The following TSPAN11 variants were observed in gnomAD, a reference collection of about 807,000 sequenced individuals.
TSPAN11 encodes the protein tetraspanin-11.
In TSPAN11, 29 loss-of-function variants were observed where a neutral mutation model predicts 32.9. The ratio of observed to expected loss-of-function variants is 0.88; its 90% CI spans 0.66 to 1.20. TSPAN11 has a LOEUF of 1.20. TSPAN11 is among the 50% of genes most tolerant of loss of function. The pLI is 0.00. For missense variants in TSPAN11, 283 were observed against 329.1 expected, an observed-to-expected ratio of 0.86 and a Z score of 1.08; for synonymous variants, 140 against 141.3, an observed-to-expected ratio of 0.99 and a Z score of 0.07.
intron 1 of TSPAN11, among the ~76,000 whole-genome samples, chr12:30,952,251 T>C (rs1367104599): frequency 6.6e-6 from 1 of 152,156 alleles, no homozygotes; most frequent in African/African-American, 2.4e-5. Flanking sequence ...CCACAAACTC[T>C]GCCACTTGCT....
chr12:30,961,123 C>A (rs1938605008), intron 2 of TSPAN11, among the ~76,000 whole-genome samples: 1 of 151,812 alleles, frequency 6.6e-6, no homozygotes, highest in Admixed American at 6.5e-5. Context: ...AACTGTATGC[C>A]AATGGTTGTT....
chr12:30,978,482 AC>A, intron 3 of TSPAN11, 78 bp from the exon 4 acceptor site: 1 of 1,389,236 alleles, frequency 7.2e-7, no homozygotes, highest in Non-Finnish European at 1.0e-6. Flanking sequence ...TATCTCTACC[AC>A]CCCCACCACT....
chr12:30,956,428 C>A (rs1938478737), intron 2 of TSPAN11, among the ~76,000 whole-genome samples: 1 of 152,160 alleles, frequency 6.6e-6, no homozygotes, highest in Non-Finnish European at 1.5e-5. Flanking sequence ...TATATCACAA[C>A]CCTAATGGGT....
At chr12:30,981,584 C>A (rs1939093754) in intron 5 of TSPAN11, among the ~76,000 whole-genome samples, 1 of 131,778 alleles carries the variant, frequency 7.6e-6, no homozygotes, top group Non-Finnish European at 1.8e-5. Flanking sequence ...TCATGCTCTC[C>A]TCGACTCCGG....
intron 1 of TSPAN11, among the ~76,000 whole-genome samples, chr12:30,937,685 C>A (rs977656169): frequency 1.3e-5 from 2 of 152,164 alleles, no homozygotes; most frequent in Non-Finnish European, 2.9e-5. Context: ...TGCGTGGTCT[C>A]AAAGTGTGGT....
intron 7 of TSPAN11, among the ~76,000 whole-genome samples, chr12:30,984,782 T>A (rs959605887): frequency 3.3e-5 from 5 of 152,056 alleles, no homozygotes; most frequent in African/African-American, 4.8e-5. Context: ...GGTCTCGAAC[T>A]CTTGACCTCA....
intron 3 of TSPAN11, among the ~76,000 whole-genome samples, chr12:30,971,897 T>C (rs1487793293): frequency 6.6e-6 from 1 of 152,192 alleles, no homozygotes; most frequent in Non-Finnish European, 1.5e-5. Context: ...CTAGCTTCAC[T>C]TTGGATCTAT....
intron 7 of TSPAN11, among the ~76,000 whole-genome samples, chr12:30,986,370 A>G (rs1347135135): frequency 6.6e-6 from 1 of 152,076 alleles, no homozygotes; most frequent in Non-Finnish European, 1.5e-5. Flanking sequence ...GACAGATTGG[A>G]TATTTGTGAG....
At chr12:30,949,362 G>T (rs780527106) in intron 1 of TSPAN11, among the ~76,000 whole-genome samples, 6 of 152,098 alleles carry the variant, frequency 3.9e-5, no homozygotes, top group Admixed American at 6.5e-5. Flanking sequence ...CCCGAGACTG[G>T]GAGGAAAAAG....
chr12:30,934,622 A>C (rs1430618513), intron 1 of TSPAN11, among the ~76,000 whole-genome samples: 2 of 150,178 alleles, frequency 1.3e-5, no homozygotes, highest in Non-Finnish European at 3.0e-5. Flanking sequence ...GAAACTTAAA[A>C]TATTATGAGA....
intron 2 of TSPAN11, among the ~76,000 whole-genome samples, chr12:30,956,740 A>G (rs1011541919): frequency 6.6e-6 from 1 of 152,108 alleles, no homozygotes; most frequent in African/African-American, 2.4e-5. Flanking sequence ...ATGGCTCCCT[A>G]CGGTGCCCAT....
chr12:30,934,121 C>A (rs189803961), intron 1 of TSPAN11, among the ~76,000 whole-genome samples: 102 of 152,348 alleles, frequency 6.7e-4, no homozygotes, highest in Admixed American at 1.8e-3. Context: ...ACTCTCTAGC[C>A]TTCTCAAATT....
chr12:31,008,111 CTTTTT>C, the TSPAN11 span, among the ~76,000 whole-genome samples: 1,755 of 145,394 alleles, frequency 0.012, 49 homozygotes, highest in African/African-American at 0.04. Flanking sequence ...TTTCTTTTTT[CTTTTT>C]TTTTTTTTTT....
chr12:30,930,208 T>C (rs961343750), intron 1 of TSPAN11, among the ~76,000 whole-genome samples: 7 of 152,268 alleles, frequency 4.6e-5, no homozygotes, highest in African/African-American at 1.7e-4. Context: ...GCAGCAAATA[T>C]ACACTGTACA....
At chr12:30,934,315 C>T (rs1937997379) in intron 1 of TSPAN11, among the ~76,000 whole-genome samples, 1 of 152,244 alleles carries the variant, frequency 6.6e-6, no homozygotes, top group South Asian at 2.1e-4. Flanking sequence ...TTGTTGTGGT[C>T]ACATGGACTC....
At chr12:30,970,783 T>C (rs1281971881) in intron 3 of TSPAN11, among the ~76,000 whole-genome samples, 3 of 152,210 alleles carry the variant, frequency 2.0e-5, no homozygotes, top group Non-Finnish European at 4.4e-5. Context: ...ACCTCCATCC[T>C]TCTAACAGTG....
chr12:30,979,548 C>G lies in TSPAN11; in HGVS notation c.352-18C>G. 1.9e-6 allele frequency: 3 copies of G among 1,613,296 alleles called. No individual in the cohort carries two copies. The highest frequency in any genetic ancestry group is 2.2e-5 in the South Asian group (2 of 91,034). ...GGGCTGGTCCCGCTGATGGGGACTT[C>G]GCTCCTACCCTCCTCAGCTGAGTGA... On this transcript the variant is annotated intron_variant, in intron 4 of 7. Transcript: ENST00000546076.
intron 7 of TSPAN11, among the ~76,000 whole-genome samples, chr12:30,989,054 T>C (rs1454340409): frequency 1.3e-5 from 2 of 152,238 alleles, no homozygotes; most frequent in Non-Finnish European, 2.9e-5. Flanking sequence ...CAGAGGAGGC[T>C]GTGTTTACTT....
chr12:30,965,505 GC>G (rs1264279500), intron 3 of TSPAN11, among the ~76,000 whole-genome samples: 2 of 150,388 alleles, frequency 1.3e-5, no homozygotes, highest in Admixed American at 1.3e-4. Flanking sequence ...CTTCTGTGGA[GC>G]CACTGAAGGC....
Sources: gnomAD v4.1 joint callset for allele counts (sites outside exome capture counted in the v4.1 genomes callset) on GRCh38, gnomAD v4.1.1 for gene constraint, MANE v1.5 for transcripts, NCBI Gene and HGNC (gene_info 2026-07-23, HGNC 2026-07-21) for gene names.